The following MGAT5 variants were observed in gnomAD, a reference collection of about 807,000 sequenced individuals.
MGAT5 encodes the protein alpha-1,6-mannosylglycoprotein 6-beta-N-acetylglucosaminyltransferase, also known as alpha-1,6-mannosylglycoprotein 6-beta-N-acetylglucosaminyltransferase A.
Under a neutral mutation model 94.3 loss-of-function variants are expected in MGAT5, and 30 were observed. That is an observed-to-expected ratio of 0.32 (90% CI 0.24 to 0.43). MGAT5 has a LOEUF of 0.43. MGAT5 is among the 20% of genes least tolerant of loss of function. MGAT5 has a pLI of 1.00. For missense variants in MGAT5, 691 were observed against 905.5 expected (o/e 0.76, Z 3.04); for synonymous variants, 310 against 322.9 (o/e 0.96, Z 0.43).
chr2:134,406,288 A>C (rs532984546), intron 11 of MGAT5, among the ~76,000 whole-genome samples: 94 of 152,288 alleles, frequency 6.2e-4, no homozygotes, highest in African/African-American at 2.1e-3. Flanking sequence ...GTTGAAAACA[A>C]ATTCTGGTTG....
At chr2:134,186,743 T>C (rs1047761552) in intron 1 of MGAT5, among the ~76,000 whole-genome samples, 1 of 152,188 alleles carries the variant, frequency 6.6e-6, no homozygotes, top group South Asian at 2.1e-4. Flanking sequence ...AGTGATGGCA[T>C]CATCAAAGTC....
chr2:134,435,984 G>A (rs549300972), intron 14 of MGAT5, among the ~76,000 whole-genome samples: 22 of 152,306 alleles, frequency 1.4e-4, no homozygotes, highest in African/African-American at 5.1e-4. Flanking sequence ...TGGGCCAAAA[G>A]GTGGATCTTG....
chr2:134,253,733 A>G (rs1260929263), upstream of MGAT5, among the ~76,000 whole-genome samples: 3 of 152,166 alleles, frequency 2.0e-5, no homozygotes, highest in Non-Finnish European at 4.4e-5. Context: ...CTAAACACTG[A>G]TGGTGAAAGC....
intron 9 of MGAT5, among the ~76,000 whole-genome samples, chr2:134,361,830 A>G (rs1340723363): frequency 6.6e-6 from 1 of 152,126 alleles, no homozygotes; most frequent in Non-Finnish European, 1.5e-5. Context: ...GCTGGGTGAA[A>G]AACACAGCTG....
chr2:134,358,926 A>T (rs1679916798), intron 9 of MGAT5, among the ~76,000 whole-genome samples: 1 of 152,218 alleles, frequency 6.6e-6, no homozygotes, highest in Non-Finnish European at 1.5e-5. Context: ...TATTCAAGCT[A>T]AGCTAATAGT....
At chr2:134,272,923 A>G (rs1684113677) in intron 2 of MGAT5, among the ~76,000 whole-genome samples, 1 of 152,190 alleles carries the variant, frequency 6.6e-6, no homozygotes, top group Non-Finnish European at 1.5e-5. Flanking sequence ...AGATTTAATC[A>G]TCTGTCTCAT....
intron 1 of MGAT5, among the ~76,000 whole-genome samples, chr2:134,150,829 G>T (rs903477416): frequency 6.6e-6 from 1 of 152,196 alleles, no homozygotes; most frequent in Non-Finnish European, 1.5e-5. Context: ...CACATTATAG[G>T]TGTGGCCTGG....
At chr2:134,318,075 C>CTT in intron 3 of MGAT5, among the ~76,000 whole-genome samples, 1 of 152,078 alleles carries the variant, frequency 6.6e-6, no homozygotes, top group South Asian at 2.1e-4. Flanking sequence ...TACTTGGCTG[C>CTT]TTTTTTTTCC....
chr2:134,259,246 C>T (rs1258436848), intron 1 of MGAT5, among the ~76,000 whole-genome samples: 1 of 152,208 alleles, frequency 6.6e-6, no homozygotes, highest in East Asian at 1.9e-4. Flanking sequence ...CCATCTGCAT[C>T]TCCCAGCCAG....
intron 4 of MGAT5, 117 bp downstream of exon 4, chr2:134,318,856 G>T (rs953223861): frequency 1.2e-5 from 8 of 645,044 alleles, no homozygotes; most frequent in African/African-American, 7.3e-5. Context: ...AGGACCTATG[G>T]TTCCGTCCTT....
intron 14 of MGAT5, among the ~76,000 whole-genome samples, chr2:134,434,828 T>C (rs1685082104): frequency 6.6e-6 from 1 of 152,196 alleles, no homozygotes; most frequent in African/African-American, 2.4e-5. Flanking sequence ...TGTTCGGTAA[T>C]TTTTTAGCAT....
chr2:134,339,846 A>G (rs1207419350), intron 6 of MGAT5, among the ~76,000 whole-genome samples: 1 of 152,226 alleles, frequency 6.6e-6, no homozygotes, highest in East Asian at 1.9e-4. Context: ...TGACTTCAGA[A>G]CACAGTAAAC....
In MGAT5 at chr2:134,428,417, T is replaced by G. The variant is rs770906657; in HGVS notation, c.1847T>G (p.Ile616Ser). 12 of 1,614,072 alleles carry G rather than the reference T, an allele frequency of 7.4e-6. No homozygotes were observed. Among genetic ancestry groups the G allele is most frequent in the Admixed American group, 3.3e-5 (2 of 60,032 alleles). ...ACGTGCGAGGGGATGCTACAGAGAA[T>G]CAATGCTTTCATTGAAAAACAGGTA... ...EFTCEGMLQR[I>S]NAFIEKQDFC... is the part of the protein sequence containing the mutation. The change falls in exon 14 of 16, where the codon ATC becomes AGC. Residue 616 changes from isoleucine (I) to serine (S), a missense_variant. Physicochemically the swap from Ile to Ser is moderately radical, Grantham distance 142. Coordinates refer to ENST00000281923, the MANE Select transcript of MGAT5 (RefSeq NM_002410.5).
chr2:134,316,719 A>G (rs962968153), intron 2 of MGAT5, among the ~76,000 whole-genome samples: 4 of 152,168 alleles, frequency 2.6e-5, no homozygotes, highest in African/African-American at 9.7e-5. Flanking sequence ...GACAGGAGGA[A>G]TAAGCTCTGG....
At chr2:134,290,693 G>A (rs1685295691) in intron 2 of MGAT5, among the ~76,000 whole-genome samples, 1 of 152,176 alleles carries the variant, frequency 6.6e-6, no homozygotes, top group Admixed American at 6.5e-5. Context: ...TGTGACAGAG[G>A]GGCTTGCTGA....
intron 2 of MGAT5, among the ~76,000 whole-genome samples, chr2:134,312,439 A>G (rs1340293483): frequency 6.6e-6 from 1 of 151,734 alleles, no homozygotes; most frequent in Non-Finnish European, 1.5e-5. Context: ...CAGAACTCGG[A>G]CTCCTTGGGT....
intron 1 of MGAT5, among the ~76,000 whole-genome samples, chr2:134,196,843 A>G (rs1679519542): frequency 6.6e-6 from 1 of 152,202 alleles, no homozygotes; most frequent in Admixed American, 6.5e-5. Context: ...AAGCCAAAAC[A>G]TTGGCTGCCC....
intron 10 of MGAT5, among the ~76,000 whole-genome samples, chr2:134,383,827 C>G (rs1478739002): frequency 6.6e-6 from 1 of 152,042 alleles, no homozygotes. Flanking sequence ...CCTCAGGCGC[C>G]CACCACCATG....
intron 1 of MGAT5, among the ~76,000 whole-genome samples, chr2:134,176,572 T>TTA (rs764769403): frequency 2.4e-5 from 2 of 83,318 alleles, no homozygotes; most frequent in African/African-American, 5.4e-5. Context: ...GACTCTGTCT[T>TTA]AAAAAAAAAA....
Sources: allele counts gnomAD v4.1 joint callset (sites outside exome capture counted in the v4.1 genomes callset), GRCh38; gene constraint gnomAD v4.1.1; transcripts MANE v1.5; gene names NCBI Gene and HGNC (gene_info 2026-07-23, HGNC 2026-07-21).